The following LRRC4C variants were observed in gnomAD, a reference collection of about 807,000 sequenced individuals.
The protein encoded by LRRC4C is leucine-rich repeat-containing protein 4C.
A neutral mutation model predicts 33.6 loss-of-function variants in LRRC4C; 5 were observed. The observed-to-expected ratio is 0.15, with a 90% CI of 0.08 to 0.31. LRRC4C has a LOEUF of 0.31. Among genes scored for constraint, LRRC4C ranks in the 10% least tolerant of loss-of-function variants. The pLI is 1.00. For missense variants in LRRC4C, 560 were observed against 796.7 expected, an observed-to-expected ratio of 0.70 and a Z score of 3.58; for synonymous variants, 329 against 302.0, an observed-to-expected ratio of 1.09 and a Z score of -0.93.
chr11:41,012,707 T>C (rs995381831), intron 1 of LRRC4C, among the ~76,000 whole-genome samples: 1 of 152,202 alleles, frequency 6.6e-6, no homozygotes, highest in Non-Finnish European at 1.5e-5. Context: ...CACCATAGTG[T>C]ATGAGTGTTC....
intron 3 of LRRC4C, among the ~76,000 whole-genome samples, chr11:40,577,215 T>G (rs1236976482): frequency 6.6e-6 from 1 of 152,184 alleles, no homozygotes; most frequent in Non-Finnish European, 1.5e-5. Context: ...ACTTCTAACA[T>G]AAAGCTAACA....
At chr11:40,789,376 C>T (rs1178950450) in intron 2 of LRRC4C, among the ~76,000 whole-genome samples, 1 of 152,080 alleles carries the variant, frequency 6.6e-6, no homozygotes, top group African/African-American at 2.4e-5. Flanking sequence ...GTCGATTGCA[C>T]ATCTATACAT....
chr11:40,846,019 T>A (rs1226134889), intron 2 of LRRC4C, among the ~76,000 whole-genome samples: 5 of 32,728 alleles, frequency 1.5e-4, no homozygotes, highest in Non-Finnish European at 3.4e-4. Flanking sequence ...CACTTTCTGA[T>A]GTTTTTTTTT....
chr11:40,160,097 A>G (rs1384905694), intron 5 of LRRC4C, among the ~76,000 whole-genome samples: 1 of 152,192 alleles, frequency 6.6e-6, no homozygotes, highest in Non-Finnish European at 1.5e-5. Flanking sequence ...GTATGCATTT[A>G]CAATGGAGGT....
intron 1 of LRRC4C, among the ~76,000 whole-genome samples, chr11:41,214,758 A>AATAT (rs549204182): frequency 0.033 from 4,668 of 141,252 alleles, 106 homozygotes; most frequent in African/African-American, 0.057. Context: ...TCAAAAATAA[A>AATAT]ATATATATAT....
At position 41,410,205 on chromosome 11, in the gene LRRC4C, T is replaced by A. The variant is rs576687674; in HGVS notation, c.-496+49226A>T. Among the ~76,000 whole-genome samples the A allele has an allele frequency of 5.9e-3, 902 of 152,266 alleles. 14 individuals are homozygous for A. The highest frequency in any genetic ancestry group is 0.02 in the African/African-American group (847 of 41,550). ...GTCTAGGGTGAGCTCTTACTGATTA[T>A]AACAATACTGTTATTGATGAAGCAG... is the stretch of plus-strand genomic sequence containing the variant. On this transcript the variant is annotated intron_variant, in intron 1 of 6. Transcript: ENST00000528697.
intron 6 of LRRC4C, among the ~76,000 whole-genome samples, chr11:40,117,505 A>C (rs554433987): frequency 1.2e-4 from 18 of 152,308 alleles, no homozygotes; most frequent in African/African-American, 4.3e-4. Flanking sequence ...GGTTTTGAGT[A>C]GATTTTTGGG....
intron 2 of LRRC4C, among the ~76,000 whole-genome samples, chr11:40,656,179 C>T (rs1265592472): frequency 6.6e-6 from 1 of 151,872 alleles, no homozygotes; most frequent in African/African-American, 2.4e-5. Flanking sequence ...ATCCTTATGA[C>T]TGCTAACTAT....
At chr11:40,766,487 C>A (rs1255450950) in intron 2 of LRRC4C, among the ~76,000 whole-genome samples, 2 of 150,590 alleles carry the variant, frequency 1.3e-5, no homozygotes, top group Admixed American at 6.6e-5. Context: ...GGTGTATAAC[C>A]TACTTATGTC....
chr11:40,852,335 G>A (rs1353289832), intron 2 of LRRC4C, among the ~76,000 whole-genome samples: 2 of 152,168 alleles, frequency 1.3e-5, no homozygotes, highest in South Asian at 2.1e-4. Context: ...TACTGGTTTT[G>A]TGACCTTGTA....
intron 3 of LRRC4C, among the ~76,000 whole-genome samples, chr11:40,602,790 C>T (rs189892445): frequency 5.3e-5 from 8 of 152,188 alleles, no homozygotes; most frequent in African/African-American, 1.7e-4. Flanking sequence ...TGTTGGGTTT[C>T]GAAAGGTACC....
At chr11:40,237,216 A>T (rs1805793533) in intron 5 of LRRC4C, among the ~76,000 whole-genome samples, 1 of 152,178 alleles carries the variant, frequency 6.6e-6, no homozygotes, top group African/African-American at 2.4e-5. Flanking sequence ...TGAAAAGTGC[A>T]ATCTAGTTGG....
At chr11:41,273,395 T>G (rs188244875) in intron 1 of LRRC4C, among the ~76,000 whole-genome samples, 325 of 152,280 alleles carry the variant, frequency 2.1e-3, no homozygotes, top group African/African-American at 7.5e-3. Flanking sequence ...GTGGATACAA[T>G]GGCATATTAT....
chr11:40,541,560 AC>A (rs1218048191), intron 3 of LRRC4C, among the ~76,000 whole-genome samples: 3 of 152,156 alleles, frequency 2.0e-5, no homozygotes, highest in Admixed American at 6.5e-5. Flanking sequence ...CTGGGTGGGA[AC>A]AGTCCTTCTC....
intron 1 of LRRC4C, among the ~76,000 whole-genome samples, chr11:41,073,546 C>T (rs937355329): frequency 2.6e-5 from 4 of 152,122 alleles, no homozygotes; most frequent in Non-Finnish European, 5.9e-5. Flanking sequence ...AGTAGTCACA[C>T]GGCTAACCCA....
At chr11:41,274,142 G>A (rs1345463104) in intron 1 of LRRC4C, among the ~76,000 whole-genome samples, 1 of 151,992 alleles carries the variant, frequency 6.6e-6, no homozygotes, top group Non-Finnish European at 1.5e-5. Context: ...GTAAGTGAGA[G>A]GCAGAAAAGA....
intron 3 of LRRC4C, among the ~76,000 whole-genome samples, chr11:40,513,296 A>G (rs1165609689): frequency 6.6e-6 from 1 of 151,946 alleles, no homozygotes; most frequent in South Asian, 2.1e-4. Context: ...ATCCACTCTA[A>G]CAATTCTTCC....
rs188325901 is a variant in LRRC4C at position 40,954,802 on chromosome 11, C to A, written c.-495-21079G>T. ...GGCACCACCATTTGCAATTTCTTCT[C>A]TAGCTTAAATATCACTGGAGGTAAT... On this transcript the variant is annotated intron_variant, in intron 1 of 6. Coordinates refer to ENST00000528697, the MANE Select transcript of LRRC4C (RefSeq NM_001258419.2). 1.8e-4 allele frequency among the ~76,000 whole-genome samples: 27 copies of A among 151,892 alleles called. No individual in the cohort carries two copies. In the East Asian group the frequency reaches 4.9e-3, roughly 27 times the overall value.
At chr11:41,403,088 T>C (rs927855271) in intron 1 of LRRC4C, among the ~76,000 whole-genome samples, 4 of 152,020 alleles carry the variant, frequency 2.6e-5, no homozygotes, top group African/African-American at 9.7e-5. Flanking sequence ...TGAACAAGAG[T>C]GCTGAAAACT....
Sources: allele counts gnomAD v4.1 joint callset (sites outside exome capture counted in the v4.1 genomes callset), GRCh38; gene constraint gnomAD v4.1.1; transcripts MANE v1.5; gene names NCBI Gene and HGNC (gene_info 2026-07-23, HGNC 2026-07-21).